FBXO33: variants seen among roughly 807,000 people sequenced by gnomAD.
FBXO33 encodes F-box protein 33.
In FBXO33, 22 loss-of-function variants were observed where a neutral mutation model predicts 46.3. That is an observed-to-expected ratio of 0.48 (90% CI 0.34 to 0.68). The LOEUF is 0.68. Ranked by LOEUF, FBXO33 falls within the 30% of genes least tolerant of loss-of-function variation. FBXO33 has a pLI of 0.01. For synonymous variants in FBXO33, 337 were observed against 291.3 expected, an observed-to-expected ratio of 1.16 and a Z score of -1.60; for missense variants, 692 against 708.8, an observed-to-expected ratio of 0.98 and a Z score of 0.27.
intron 3 of FBXO33, among the ~76,000 whole-genome samples, chr14:39,400,598 A>G (rs2075364131): frequency 1.3e-5 from 2 of 152,208 alleles, no homozygotes; most frequent in Non-Finnish European, 2.9e-5. Flanking sequence ...GATAGCTAAT[A>G]AGAGAGTTTA....
chr14:39,417,205 CT>C (rs151277386), intron 1 of FBXO33, among the ~76,000 whole-genome samples: 353 of 152,360 alleles, frequency 2.3e-3, no homozygotes, highest in African/African-American at 8.0e-3. Context: ...ACTCACCCTT[CT>C]TTTGTTCTCA....
Position 39,431,278 on chromosome 14 carries a change from T to C in FBXO33, c.599+286A>G, listed in dbSNP as rs545906574. Among the ~76,000 whole-genome samples the C allele has an allele frequency of 8.0e-4, 122 of 152,298 alleles. 1 individual carries two copies. The highest frequency in any genetic ancestry group is 3.4e-3 in the Middle Eastern group (1 of 294). ...ATATAAAATGAAAAGTGACAGCGCC[T>C]GTCAGCTCCATCCCACGGCCACCAA... On this transcript the variant is annotated intron_variant, in intron 1 of 3. Transcript: ENST00000298097.
chr14:39,410,677 G>GT (rs961612282), intron 1 of FBXO33, among the ~76,000 whole-genome samples: 5 of 152,158 alleles, frequency 3.3e-5, no homozygotes, highest in African/African-American at 1.2e-4. Flanking sequence ...TTGGGGGAAG[G>GT]TTTTTAATAA....
At position 39,432,173 on chromosome 14, in the gene FBXO33, G is replaced by A. The variant is rs373404594; in HGVS notation, c.-11C>T. 7,342 of 1,228,888 alleles carry A rather than the reference G, an allele frequency of 6.0e-3. 31 individuals are homozygous for A. Among genetic ancestry groups the A allele is most frequent in the Non-Finnish European group, 6.5e-3 (6,404 of 984,352 alleles). The allele number at this position is 1,228,888 out of a possible 1,614,324, so 76.1% of individuals were successfully genotyped here. A position where few individuals can be genotyped will look rare whatever the true frequency, so the allele number is the denominator to read the frequency against. The stretch of plus-strand genomic sequence containing the variant: ...CAAGAACAACAACATCAATGACTAG[G>A]AAGAAGGGGGCGGAACCGTCGTGGG... On this transcript the variant is annotated 5_prime_UTR_variant, in exon 1 of 4. Coordinates refer to ENST00000298097, the MANE Select transcript of FBXO33 (RefSeq NM_203301.4).
intron 1 of FBXO33, among the ~76,000 whole-genome samples, chr14:39,408,089 C>T (rs1429372534): frequency 2.0e-5 from 3 of 152,072 alleles, no homozygotes; most frequent in East Asian, 1.9e-4. Context: ...TACAGGTGTG[C>T]GCCACCATGC....
In FBXO33 at chr14:39,431,974, C is replaced by G; in HGVS notation, c.189G>C (p.Gly63=). 1 of 1,525,220 alleles carries G rather than the reference C, an allele frequency of 6.6e-7. No homozygotes were observed. The highest frequency in any genetic ancestry group is 8.8e-7 in the Non-Finnish European group (1 of 1,142,464). The allele number at this position is 1,525,220 out of a possible 1,614,324, so 94.5% of individuals were successfully genotyped here. The change falls in exon 1 of 4, where the codon GGG becomes GGC. Residue 63 remains glycine (G), a synonymous_variant. Coordinates refer to ENST00000298097, the MANE Select transcript of FBXO33 (RefSeq NM_203301.4). Reference sequence around the variant, plus strand: ...GCAGCGACGCAGCGCCCGCCGCCTGCCCGCACAGAGCCATCCGGCCCCGCC... The same window carrying G: ...GCAGCGACGCAGCGCCCGCCGCCTGGCCGCACAGAGCCATCCGGCCCCGCC... ...SRRRGRMALC[G]QAAGAASLPS...
At chr14:39,421,784 A>T (rs994452258) in intron 1 of FBXO33, among the ~76,000 whole-genome samples, 13 of 27,136 alleles carry the variant, frequency 4.8e-4, no homozygotes, top group Middle Eastern at 0.019. Flanking sequence ...TACAAATCAC[A>T]CACACACACA....
At chr14:39,406,652 T>C (rs1411169446) in intron 1 of FBXO33, among the ~76,000 whole-genome samples, 1 of 152,028 alleles carries the variant, frequency 6.6e-6, no homozygotes, top group Non-Finnish European at 1.5e-5. Context: ...TAGGGCAGAG[T>C]ACCAGAGACA....
intron 1 of FBXO33, among the ~76,000 whole-genome samples, chr14:39,414,800 C>G (rs1273459483): frequency 2.0e-5 from 3 of 152,076 alleles, no homozygotes; most frequent in Non-Finnish European, 4.4e-5. Context: ...TAGATGGGAA[C>G]ACAGGTGCAC....
chr14:39,431,837 G>A lies in FBXO33; in HGVS notation c.326C>T (p.Pro109Leu). 6.2e-7 allele frequency: 1 copy of A among 1,604,422 alleles called. No individual in the cohort carries two copies. Among genetic ancestry groups the A allele is most frequent in the Non-Finnish European group, 8.5e-7 (1 of 1,178,056 alleles). ...GACGCGGAGGCAGATGCGGAGCTGG[G>A]GCCACAGGGCCGGATAGAAGAGGCA... ...RECLFYPALW[P>L]QLRICLRVSP... The change falls in exon 1 of 4, where the codon CCC (proline) becomes CTC (leucine). Residue 109 changes from proline (P) to leucine (L), a missense_variant. By Grantham distance (98) the Pro-to-Leu change is moderately conservative. Transcript: ENST00000298097.
intron 1 of FBXO33, among the ~76,000 whole-genome samples, chr14:39,428,964 T>C (rs2075529865): frequency 6.6e-6 from 1 of 152,192 alleles, no homozygotes; most frequent in South Asian, 2.1e-4. Context: ...TGAAGGACTG[T>C]GTGTTACCCT....
At chr14:39,428,501 C>G (rs36090203) in intron 1 of FBXO33, among the ~76,000 whole-genome samples, 43,457 of 151,758 alleles carry the variant, frequency 0.29, 7,641 homozygotes, top group Non-Finnish European at 0.4. Flanking sequence ...CACCCCTGGC[C>G]AACGATATGA....
intron 1 of FBXO33, among the ~76,000 whole-genome samples, chr14:39,413,919 A>C (rs1445083480): frequency 2.0e-5 from 3 of 152,206 alleles, no homozygotes; most frequent in Admixed American, 6.5e-5. Flanking sequence ...ATTTAGCATA[A>C]TTCTTAAGGG....
chr14:39,415,872 G>A (rs1413683932), intron 1 of FBXO33, among the ~76,000 whole-genome samples: 1 of 152,112 alleles, frequency 6.6e-6, no homozygotes, highest in Admixed American at 6.5e-5. Flanking sequence ...TCACCATGTT[G>A]GTCACACTGG....
intron 1 of FBXO33, among the ~76,000 whole-genome samples, chr14:39,406,890 C>T (rs918261532): frequency 1.2e-4 from 19 of 152,056 alleles, no homozygotes; most frequent in African/African-American, 4.3e-4. Flanking sequence ...AGGGAAAGAA[C>T]TTAAATCAGC....
intron 1 of FBXO33, among the ~76,000 whole-genome samples, chr14:39,421,898 T>C (rs1444980095): frequency 6.6e-6 from 1 of 152,038 alleles, no homozygotes; most frequent in Non-Finnish European, 1.5e-5. Context: ...TAGAAGGGCA[T>C]TGTAATGTTA....
intron 1 of FBXO33, among the ~76,000 whole-genome samples, chr14:39,423,542 CAATAG>C (rs2075495507): frequency 6.7e-6 from 1 of 150,042 alleles, no homozygotes; most frequent in African/African-American, 2.5e-5. Context: ...TGTCCATCAG[CAATAG>C]AATAGATAAA....
chr14:39,427,850 G>A (rs776768847), intron 1 of FBXO33, among the ~76,000 whole-genome samples: 4 of 152,050 alleles, frequency 2.6e-5, no homozygotes, highest in African/African-American at 4.8e-5. Flanking sequence ...AGGGAGGCTG[G>A]GGTGGGAGGA....
At chr14:39,429,067 T>C (rs1309632355) in intron 1 of FBXO33, among the ~76,000 whole-genome samples, 1 of 152,216 alleles carries the variant, frequency 6.6e-6, no homozygotes, top group Admixed American at 6.5e-5. Flanking sequence ...TGAGAATACA[T>C]GTATATATAT....
Sources: allele counts gnomAD v4.1 joint callset (sites outside exome capture counted in the v4.1 genomes callset), GRCh38; gene constraint gnomAD v4.1.1; transcripts MANE v1.5; gene names NCBI Gene and HGNC (gene_info 2026-07-23, HGNC 2026-07-21).